SORCS2: variants seen among roughly 807,000 people sequenced by gnomAD.
SORCS2 encodes the protein VPS10 domain-containing receptor SorCS2.
SORCS2 carries 100 observed loss-of-function variants against 141.6 expected under a neutral mutation model. The ratio of observed to expected loss-of-function variants is 0.71; its 90% CI spans 0.60 to 0.83. The LOEUF (loss-of-function observed/expected upper bound fraction) is 0.83. SORCS2 is among the 40% of genes least tolerant of loss of function. The pLI is 0.00. For missense variants in SORCS2, 1,646 were observed against 1,560.2 expected, an observed-to-expected ratio of 1.05 and a Z score of -0.93; for synonymous variants, 789 against 676.9, an observed-to-expected ratio of 1.17 and a Z score of -2.57.
At position 7,702,546 on chromosome 4, in the gene SORCS2, C is replaced by A. The variant is rs1002896734; in HGVS notation, c.1669-734C>A. 2.0e-5 allele frequency among the ~76,000 whole-genome samples: 3 copies of A among 152,354 alleles called. No individual in the cohort carries two copies. The East Asian group carries it at 5.8e-4, about 29-fold the overall frequency. On this transcript the variant is annotated intron_variant, in intron 12 of 26. Coordinates refer to ENST00000507866, the MANE Select transcript of SORCS2 (RefSeq NM_020777.3). Reference sequence around the variant, plus strand: ...GCCAAGCGAGGCCACCCTCAGTGTCCCCTCCCGGGTGAGCCCTGTCCAGGC... The same window carrying A: ...GCCAAGCGAGGCCACCCTCAGTGTCACCTCCCGGGTGAGCCCTGTCCAGGC...
chr4:7,429,829 G>T (rs1248331666), intron 2 of SORCS2, among the ~76,000 whole-genome samples: 1 of 152,132 alleles, frequency 6.6e-6, no homozygotes, highest in Non-Finnish European at 1.5e-5. Flanking sequence ...GTGTGGCCTC[G>T]GGCAAGTTAT....
chr4:7,490,767 T>G (rs1391784099), intron 2 of SORCS2, among the ~76,000 whole-genome samples: 3 of 152,110 alleles, frequency 2.0e-5, no homozygotes, highest in African/African-American at 7.2e-5. Context: ...AGGCCCTCTC[T>G]CCGGCTGGCT....
chr4:7,335,651 G>A (rs911565072), intron 1 of SORCS2, among the ~76,000 whole-genome samples: 3 of 152,226 alleles, frequency 2.0e-5, no homozygotes, highest in Non-Finnish European at 4.4e-5. Context: ...ATCCCTCCAC[G>A]CACACAGCCC....
intron 3 of SORCS2, among the ~76,000 whole-genome samples, chr4:7,579,617 G>A (rs1716008552): frequency 6.6e-6 from 1 of 152,144 alleles, no homozygotes; most frequent in Admixed American, 6.5e-5. Flanking sequence ...GGGCCAGTAA[G>A]ACATGGAATC....
chr4:7,622,405 G>A (rs80299195), intron 3 of SORCS2, among the ~76,000 whole-genome samples: 6 of 152,308 alleles, frequency 3.9e-5, no homozygotes, highest in East Asian at 3.9e-4. Context: ...CACAGGCAGC[G>A]AGGTAGGGAG....
chr4:7,617,771 T>A (rs1292970875), intron 3 of SORCS2, among the ~76,000 whole-genome samples: 9 of 152,138 alleles, frequency 5.9e-5, no homozygotes, highest in Admixed American at 5.9e-4. Flanking sequence ...TCATGGGCTG[T>A]GTTTCTAGGG....
intron 8 of SORCS2, among the ~76,000 whole-genome samples, chr4:7,668,732 G>C (rs903304851): frequency 3.3e-5 from 5 of 152,242 alleles, no homozygotes; most frequent in African/African-American, 4.8e-5. Context: ...TTCATTTCAG[G>C]CAAAGGCAGT....
chr4:7,637,034 G>A (rs922599953), intron 3 of SORCS2, among the ~76,000 whole-genome samples: 4 of 151,954 alleles, frequency 2.6e-5, no homozygotes, highest in African/African-American at 4.8e-5. Context: ...TTCTCTCTGC[G>A]TCCCTACCTC....
intron 11 of SORCS2, among the ~76,000 whole-genome samples, chr4:7,695,021 C>G (rs1724508883): frequency 6.6e-6 from 1 of 151,880 alleles, no homozygotes; most frequent in Admixed American, 6.6e-5. Flanking sequence ...CTGCTAGATT[C>G]AGAGCCCTCA....
chr4:7,576,779 C>G (rs770799648), intron 3 of SORCS2, among the ~76,000 whole-genome samples: 2 of 152,158 alleles, frequency 1.3e-5, no homozygotes, highest in Non-Finnish European at 2.9e-5. Context: ...GGGCTGCCTG[C>G]TCAAGCGGCC....
At chr4:7,448,191 C>A (rs1264762107) in intron 2 of SORCS2, among the ~76,000 whole-genome samples, 1 of 152,160 alleles carries the variant, frequency 6.6e-6, no homozygotes, top group Non-Finnish European at 1.5e-5. Context: ...CTGCTCCGGG[C>A]CCTGTGGCGT....
chr4:7,485,652 C>T (rs1019655667), intron 2 of SORCS2, among the ~76,000 whole-genome samples: 5 of 152,216 alleles, frequency 3.3e-5, no homozygotes, highest in Admixed American at 1.3e-4. Context: ...CAGGTTGTAC[C>T]GGCCAGGCCG....
rs904501865 is a variant in SORCS2, at chr4:7,661,492, T to C, written c.888-8T>C. ...TTCCCGACCCCAGCCTCAGCTCTTC[T>C]TTTCCAGGTCTGTGTCTGGGGTGGA... On this transcript the variant is annotated splice_polypyrimidine_tract_variant and splice_region_variant and intron_variant, in intron 5 of 26. Coordinates refer to ENST00000507866, the MANE Select transcript of SORCS2 (RefSeq NM_020777.3). The C allele has an allele frequency of 3.2e-6, 5 of 1,551,390 alleles. No homozygotes were observed. The highest frequency in any genetic ancestry group is 4.9e-5 in the East Asian group (2 of 40,898).
intron 3 of SORCS2, among the ~76,000 whole-genome samples, chr4:7,613,129 G>A (rs74454018): frequency 1.7e-3 from 261 of 152,386 alleles, no homozygotes; most frequent in African/African-American, 5.9e-3. Flanking sequence ...TGAAGGAGGT[G>A]TCAGCCTTCC....
At chr4:7,469,363 T>A (rs931022718) in intron 2 of SORCS2, among the ~76,000 whole-genome samples, 1 of 152,148 alleles carries the variant, frequency 6.6e-6, no homozygotes, top group Admixed American at 6.5e-5. Flanking sequence ...CAAAAGTTCT[T>A]TCTCCCCGAA....
intron 3 of SORCS2, among the ~76,000 whole-genome samples, chr4:7,591,234 C>T (rs1243289685): frequency 6.6e-6 from 1 of 152,208 alleles, no homozygotes; most frequent in Non-Finnish European, 1.5e-5. Context: ...GCGCTCTCCC[C>T]TCCACCTGCT....
chr4:7,507,721 G>A (rs1211600631), intron 2 of SORCS2, among the ~76,000 whole-genome samples: 1 of 145,760 alleles, frequency 6.9e-6, no homozygotes, highest in Non-Finnish European at 1.5e-5. Flanking sequence ...GGGGAAAAAT[G>A]TCAGTGGTCC....
At chr4:7,636,533 A>G (rs574346922) in intron 3 of SORCS2, among the ~76,000 whole-genome samples, 2 of 152,010 alleles carry the variant, frequency 1.3e-5, no homozygotes, top group African/African-American at 2.4e-5. Context: ...TTGTCTGCCA[A>G]TTGCAAAGCA....
At chr4:7,493,397 G>C (rs1179437177) in intron 2 of SORCS2, among the ~76,000 whole-genome samples, 2 of 152,154 alleles carry the variant, frequency 1.3e-5, no homozygotes, top group Non-Finnish European at 2.9e-5. Context: ...GTTCGTGGAG[G>C]GGCACAGCAG....
Sources: gnomAD v4.1 joint callset for allele counts (sites outside exome capture counted in the v4.1 genomes callset) on GRCh38, gnomAD v4.1.1 for gene constraint, MANE v1.5 for transcripts, NCBI Gene and HGNC (gene_info 2026-07-23, HGNC 2026-07-21) for gene names.